The following PDE10A variants were observed in gnomAD, a reference collection of about 807,000 sequenced individuals.
PDE10A encodes cAMP and cAMP-inhibited cGMP 3',5'-cyclic phosphodiesterase 10A.
Under a neutral mutation model 97.7 loss-of-function variants are expected in PDE10A, and 39 were observed. The ratio of observed to expected loss-of-function variants is 0.40; its 90% CI spans 0.31 to 0.52. The LOEUF (loss-of-function observed/expected upper bound fraction) is 0.52. Among genes scored for constraint, PDE10A ranks in the 20% least tolerant of loss-of-function variants. PDE10A has a pLI of 0.56. For synonymous variants in PDE10A, 371 were observed against 376.8 expected, an observed-to-expected ratio of 0.98 and a Z score of 0.18; for missense variants, 731 against 1,047.8, an observed-to-expected ratio of 0.70 and a Z score of 4.17.
At chr6:165,347,645 C>G (rs1012154137) in intron 18 of PDE10A, among the ~76,000 whole-genome samples, 8 of 152,048 alleles carry the variant, frequency 5.3e-5, no homozygotes, top group African/African-American at 1.9e-4. Flanking sequence ...CACAGAGTAC[C>G]ATACATAACT....
intron 2 of PDE10A, among the ~76,000 whole-genome samples, chr6:165,535,990 A>G (rs1336473364): frequency 2.6e-5 from 4 of 152,092 alleles, no homozygotes; most frequent in Admixed American, 1.3e-4. Context: ...AGAAACAACA[A>G]AAGACCCATA....
intron 1 of PDE10A, among the ~76,000 whole-genome samples, chr6:165,794,839 G>A (rs1021769916): frequency 7.2e-5 from 11 of 152,304 alleles, no homozygotes; most frequent in South Asian, 4.1e-4. Flanking sequence ...ATAGTTGGGC[G>A]TAAGTAAAAC....
At chr6:165,367,378 A>G (rs1783848683) in intron 18 of PDE10A, among the ~76,000 whole-genome samples, 1 of 152,104 alleles carries the variant, frequency 6.6e-6, no homozygotes, top group Non-Finnish European at 1.5e-5. Context: ...TACACAAACC[A>G]TTACCAGTGA....
At chr6:165,339,967 ATAGTTACTAAAGATTCACTATGT>A (rs1781883193) in intron 19 of PDE10A, among the ~76,000 whole-genome samples, 1 of 152,178 alleles carries the variant, frequency 6.6e-6, no homozygotes. Context: ...CTTACAGGTA[ATAGTTACTAAAGATTCACTATGT>A]TAGTTACTAA....
intron 2 of PDE10A, among the ~76,000 whole-genome samples, chr6:165,503,873 G>A (rs1316380181): frequency 6.6e-6 from 1 of 152,074 alleles, no homozygotes; most frequent in African/African-American, 2.4e-5. Context: ...CACTAACAGT[G>A]GGAAATATAA....
intron 1 of PDE10A, among the ~76,000 whole-genome samples, chr6:165,767,732 T>C (rs2323029): frequency 0.67 from 101,825 of 152,108 alleles, 34,875 homozygotes; most frequent in East Asian, 0.9. Context: ...TTATTAGTAA[T>C]GCTGCTACGA....
intron 20 of PDE10A, among the ~76,000 whole-genome samples, chr6:165,337,685 C>A (rs1781731654): frequency 6.6e-6 from 1 of 152,078 alleles, no homozygotes; most frequent in Non-Finnish European, 1.5e-5. Context: ...TTCTTTAAAC[C>A]TTTATTAGGC....
intron 1 of PDE10A, among the ~76,000 whole-genome samples, chr6:165,689,117 C>T (rs1309113851): frequency 1.3e-5 from 2 of 152,144 alleles, no homozygotes; most frequent in Non-Finnish European, 2.9e-5. Context: ...CTAGGCTTTC[C>T]CTAAGTTCAA....
In PDE10A at chr6:165,671,988, C is replaced by A. The variant is rs938387204; in HGVS notation, c.-614-128420G>T. Among the ~76,000 whole-genome samples the A allele has an allele frequency of 2.0e-5, 3 of 152,126 alleles. No homozygotes were observed. Among genetic ancestry groups the A allele is most frequent in the Non-Finnish European group, 4.4e-5 (3 of 68,032 alleles). On this transcript the variant is annotated intron_variant, in intron 1 of 19. Transcript: ENST00000366882. This position sits in a 1 kb window ranked among gnomAD's most constrained non-coding sequence, Gnocchi z 4.6. The stretch of plus-strand genomic sequence containing the variant: ...CAGTCAAACTATATTACTTCCGTAA[C>A]CGTAAAATACTGGTGAAGTCTTATC...
intron 2 of PDE10A, among the ~76,000 whole-genome samples, chr6:165,525,896 C>T (rs1350345490): frequency 2.6e-5 from 4 of 152,130 alleles, no homozygotes; most frequent in Non-Finnish European, 5.9e-5. Context: ...TGTATTCCTA[C>T]TTAATTTTTC....
intron 10 of PDE10A, among the ~76,000 whole-genome samples, chr6:165,421,025 T>G (rs1454509047): frequency 6.6e-6 from 1 of 152,182 alleles, no homozygotes; most frequent in Non-Finnish European, 1.5e-5. Context: ...TAAACAAATA[T>G]GACAATATTA....
intron 1 of PDE10A, among the ~76,000 whole-genome samples, chr6:165,911,911 C>T (rs371317345): frequency 7.9e-5 from 12 of 152,164 alleles, no homozygotes; most frequent in African/African-American, 1.9e-4. Context: ...CTCTGGGAGA[C>T]GGCTGCCCTT....
intron 3 of PDE10A, among the ~76,000 whole-genome samples, chr6:165,456,690 C>T (rs1777973616): frequency 6.6e-6 from 1 of 152,182 alleles, no homozygotes; most frequent in South Asian, 2.1e-4. Flanking sequence ...AATGCTTTCC[C>T]TTTCCAAGAC....
intron 1 of PDE10A, among the ~76,000 whole-genome samples, chr6:165,563,567 T>C (rs1162463064): frequency 6.6e-6 from 1 of 152,082 alleles, no homozygotes; most frequent in Non-Finnish European, 1.5e-5. Flanking sequence ...AAACATAATA[T>C]ATGCAAAAGA....
chr6:165,339,576 C>A (rs1781853957), intron 19 of PDE10A, among the ~76,000 whole-genome samples: 1 of 152,052 alleles, frequency 6.6e-6, no homozygotes, highest in Non-Finnish European at 1.5e-5. Context: ...TACCAGAAAC[C>A]CAGCCATTAT....
At chr6:165,986,842 A>C (rs991117038) in intron 1 of PDE10A, among the ~76,000 whole-genome samples, 5 of 152,224 alleles carry the variant, frequency 3.3e-5, no homozygotes, top group Admixed American at 1.3e-4. Context: ...AATGGGTTGC[A>C]AGGAAAATTG....
intron 2 of PDE10A, among the ~76,000 whole-genome samples, chr6:165,523,853 T>C (rs1203733098): frequency 6.6e-6 from 1 of 152,186 alleles, no homozygotes; most frequent in Non-Finnish European, 1.5e-5. Context: ...TCAACTTGAT[T>C]GAAGGTACAA....
At chr6:165,730,516 T>C (rs569181800) in intron 1 of PDE10A, among the ~76,000 whole-genome samples, 27 of 151,518 alleles carry the variant, frequency 1.8e-4, no homozygotes, top group African/African-American at 6.1e-4. Flanking sequence ...CTTTGGGAGC[T>C]GGAGGTGGGT....
chr6:165,887,091 G>T lies in PDE10A; in HGVS notation c.-615+100438C>A, dbSNP rs77692435. Among the ~76,000 whole-genome samples the T allele has an allele frequency of 6.8e-3, 1,030 of 152,244 alleles. 9 individuals are homozygous for T. The highest frequency in any genetic ancestry group is 0.024 in the African/African-American group (983 of 41,548). ...GATTTATAAGATCTACAAAAGAAAA[G>T]AAAAATCAATGAATGAGTTAAACAG... is the stretch of plus-strand genomic sequence containing the variant. On this transcript the variant is annotated intron_variant, in intron 1 of 19. Coordinates refer to the PDE10A transcript ENST00000366882.
Sources: allele counts gnomAD v4.1 joint callset (sites outside exome capture counted in the v4.1 genomes callset), GRCh38; gene constraint gnomAD v4.1.1; non-coding constraint Gnocchi (gnomAD v3.1); transcripts MANE v1.5; gene names NCBI Gene and HGNC (gene_info 2026-07-23, HGNC 2026-07-21).